The following ROBO2 variants were observed in gnomAD, a reference collection of about 807,000 sequenced individuals.
ROBO2 encodes the protein roundabout homolog 2.
A neutral mutation model predicts 160.8 loss-of-function variants in ROBO2; 53 were observed. That is an observed-to-expected ratio of 0.33 (90% CI 0.26 to 0.41). The LOEUF is 0.41. Among genes scored for constraint, ROBO2 ranks in the 10% least tolerant of loss-of-function variants. ROBO2 has a pLI of 1.00. For synonymous variants in ROBO2, 664 were observed against 611.7 expected, an observed-to-expected ratio of 1.09 and a Z score of -1.26; for missense variants, 1,577 against 1,722.4, an observed-to-expected ratio of 0.92 and a Z score of 1.49.
intron 15 of ROBO2, among the ~76,000 whole-genome samples, 177 bp downstream of exon 16, chr3:77,577,791 C>T (rs113951323): frequency 0.015 from 2,287 of 152,146 alleles, 68 homozygotes; most frequent in African/African-American, 0.053. Flanking sequence ...AACCTGAGTT[C>T]AAGGTCAGAG....
intron 2 of ROBO2, among the ~76,000 whole-genome samples, chr3:76,584,801 A>G (rs1412041332): frequency 6.6e-6 from 1 of 152,178 alleles, no homozygotes; most frequent in Admixed American, 6.5e-5. Context: ...TGCTCTGTGT[A>G]TAGGAACGAC....
In ROBO2 at chr3:76,505,705, C is replaced by T. The variant is rs186964548; in HGVS notation, c.109+568103C>T. Among the ~76,000 whole-genome samples, 189 of 152,206 alleles carry T rather than the reference C, an allele frequency of 1.2e-3. 2 individuals are homozygous for T. The highest frequency in any genetic ancestry group is 2.9e-3 in the South Asian group (14 of 4,820). On this transcript the variant is annotated intron_variant, in intron 2 of 26. Transcript: ENST00000487694. ...GCAACCACAAGAAGCTAGAAAGAGC[C>T]AAGAAACATTTTTTCCCCTAGAGCC...
chr3:77,131,657 G>A (rs2075864841), intron 2 of ROBO2, among the ~76,000 whole-genome samples: 1 of 151,942 alleles, frequency 6.6e-6, no homozygotes, highest in Non-Finnish European at 1.5e-5. Context: ...AACTCAATGA[G>A]GGAAGGAACT....
chr3:77,432,662 A>G (rs1240645979), intron 2 of ROBO2, among the ~76,000 whole-genome samples: 2 of 152,262 alleles, frequency 1.3e-5, no homozygotes, highest in South Asian at 4.1e-4. Flanking sequence ...TGCCACAAAG[A>G]CCTTTTGGTC....
At chr3:75,990,814 C>T (rs1002875634) in intron 2 of ROBO2, among the ~76,000 whole-genome samples, 4 of 152,102 alleles carry the variant, frequency 2.6e-5, no homozygotes, top group African/African-American at 4.8e-5. Context: ...CAGGGAGCTG[C>T]TAAGACATTA....
intron 2 of ROBO2, among the ~76,000 whole-genome samples, chr3:77,145,360 G>A (rs2077038410): frequency 6.6e-6 from 1 of 152,108 alleles, no homozygotes; most frequent in Non-Finnish European, 1.5e-5. Context: ...AAAAAAATGT[G>A]TATTTATATT....
chr3:76,648,276 A>G (rs990413732), intron 2 of ROBO2, among the ~76,000 whole-genome samples: 1 of 152,192 alleles, frequency 6.6e-6, no homozygotes, highest in Admixed American at 6.5e-5. Context: ...AAAAAGATAT[A>G]AATTTTCCTA....
intron 2 of ROBO2, among the ~76,000 whole-genome samples, chr3:76,720,975 A>T (rs1328718347): frequency 6.6e-6 from 1 of 152,158 alleles, no homozygotes; most frequent in Non-Finnish European, 1.5e-5. Context: ...AAGCTTTTTT[A>T]GTGCACGTAT....
intron 2 of ROBO2, among the ~76,000 whole-genome samples, chr3:77,212,366 G>T (rs1284331048): frequency 6.6e-6 from 1 of 152,028 alleles, no homozygotes; most frequent in Non-Finnish European, 1.5e-5. Context: ...TCATGATTTG[G>T]CTCTCTGTTT....
chr3:76,034,602 T>G (rs1461267449), intron 2 of ROBO2, among the ~76,000 whole-genome samples: 2 of 152,142 alleles, frequency 1.3e-5, no homozygotes, highest in Non-Finnish European at 2.9e-5. Context: ...GTAGGAAAAA[T>G]ATTTATTTTG....
At chr3:77,144,440 T>C (rs559873486) in intron 2 of ROBO2, among the ~76,000 whole-genome samples, 33 of 152,204 alleles carry the variant, frequency 2.2e-4, no homozygotes, top group Admixed American at 3.9e-4. Flanking sequence ...ATCTGTTCCG[T>C]GCCTGATTTC....
At chr3:77,315,213 T>C (rs1008011821) in intron 2 of ROBO2, among the ~76,000 whole-genome samples, 8 of 152,092 alleles carry the variant, frequency 5.3e-5, no homozygotes, top group Non-Finnish European at 1.2e-4. Flanking sequence ...CAGAACAGTC[T>C]TAGAATAACT....
At chr3:76,692,211 A>C (rs908388329) in intron 2 of ROBO2, among the ~76,000 whole-genome samples, 1 of 152,146 alleles carries the variant, frequency 6.6e-6, no homozygotes, top group Admixed American at 6.6e-5. Context: ...CAGGTGCTTG[A>C]GGTCACTCAG....
At chr3:77,207,395 A>C (rs564553142) in intron 2 of ROBO2, among the ~76,000 whole-genome samples, 1 of 152,362 alleles carries the variant, frequency 6.6e-6, no homozygotes, top group African/African-American at 2.4e-5. Context: ...TAACTCTTCT[A>C]TATGACATAA....
chr3:76,438,369 CTT>C (rs1577188883), intron 2 of ROBO2, among the ~76,000 whole-genome samples: 2 of 150,656 alleles, frequency 1.3e-5, no homozygotes, highest in Non-Finnish European at 2.9e-5. Flanking sequence ...TGTAACCTAA[CTT>C]GGGGCCACTT....
intron 2 of ROBO2, among the ~76,000 whole-genome samples, chr3:76,419,542 T>C (rs982784959): frequency 3.9e-5 from 6 of 152,164 alleles, no homozygotes; most frequent in African/African-American, 1.4e-4. Flanking sequence ...CAAGATCTTC[T>C]AAATGAACTA....
chr3:76,601,862 C>G (rs1310153113), intron 2 of ROBO2, among the ~76,000 whole-genome samples: 1 of 152,210 alleles, frequency 6.6e-6, no homozygotes, highest in East Asian at 1.9e-4. Flanking sequence ...ATCACATTGT[C>G]TGGGTTCAAG....
intron 2 of ROBO2, among the ~76,000 whole-genome samples, chr3:76,073,508 GTCTCGA>G (rs2068540963): frequency 6.6e-6 from 1 of 151,610 alleles, no homozygotes; most frequent in South Asian, 2.1e-4. Context: ...AGCCAGGATG[GTCTCGA>G]TCTCCTGACC....
chr3:75,908,668 G>A lies in ROBO2; in HGVS notation c.-14+1708G>A, dbSNP rs72886519. The stretch of plus-strand genomic sequence containing the variant: ...TACTGAAATAATTATATATGAACAT[G>A]CTATATGAAAAAAAAGCATTTCTTA... On this transcript the variant is annotated intron_variant, in intron 1 of 26. Coordinates refer to the ROBO2 transcript ENST00000487694. 6.7e-3 allele frequency among the ~76,000 whole-genome samples: 1,014 copies of A among 151,914 alleles called. 17 individuals are homozygous for A. The highest frequency in any genetic ancestry group is 0.024 in the African/African-American group (981 of 41,468).
Sources: gnomAD v4.1 joint callset for allele counts (sites outside exome capture counted in the v4.1 genomes callset) on GRCh38, gnomAD v4.1.1 for gene constraint, MANE v1.5 for transcripts, NCBI Gene and HGNC (gene_info 2026-07-23, HGNC 2026-07-21) for gene names.